KIF26B: variants seen among roughly 807,000 people sequenced by gnomAD.
KIF26B encodes the protein kinesin family member 26B.
In KIF26B, 63 loss-of-function variants were observed where a neutral mutation model predicts 151.2. The ratio of observed to expected loss-of-function variants is 0.42; its 90% CI spans 0.34 to 0.51. The LOEUF (loss-of-function observed/expected upper bound fraction) is 0.51, where lower values mean the gene tolerates loss of function less well. KIF26B is among the 20% of genes least tolerant of loss of function. The pLI is 0.07. For synonymous variants in KIF26B, 1,357 were observed against 1,262.1 expected (o/e 1.08, Z -1.59); for missense variants, 2,813 against 2,913.6 (o/e 0.97, Z 0.79).
intron 4 of KIF26B, among the ~76,000 whole-genome samples, chr1:245,538,405 T>C (rs972983104): frequency 1.8e-4 from 27 of 151,654 alleles, no homozygotes; most frequent in African/African-American, 6.5e-4. Context: ...CTATGTGCTG[T>C]TGGGAATGAT....
At chr1:245,160,270 T>C (rs891517399) in intron 2 of KIF26B, among the ~76,000 whole-genome samples, 7 of 152,234 alleles carry the variant, frequency 4.6e-5, no homozygotes, top group African/African-American at 1.7e-4. Context: ...GTTTCTCTTT[T>C]GGTGCCGGTG....
At chr1:245,309,934 C>A (rs1223721524) in intron 2 of KIF26B, among the ~76,000 whole-genome samples, 10 of 145,058 alleles carry the variant, frequency 6.9e-5, no homozygotes, top group Admixed American at 4.9e-4. Flanking sequence ...CAATAAATAT[C>A]TCTCTCTCAC....
intron 4 of KIF26B, among the ~76,000 whole-genome samples, chr1:245,523,469 C>T (rs1661175856): frequency 6.6e-6 from 1 of 152,076 alleles, no homozygotes; most frequent in African/African-American, 2.4e-5. Flanking sequence ...GTCGTTATAA[C>T]AAAAATACCA....
At chr1:245,672,819 G>T (rs907542813) in intron 10 of KIF26B, among the ~76,000 whole-genome samples, 9 of 152,136 alleles carry the variant, frequency 5.9e-5, no homozygotes, top group African/African-American at 1.9e-4. Flanking sequence ...AGGGATAAGA[G>T]AGTCACTGAA....
At chr1:245,474,101 C>G (rs1363272562) in intron 4 of KIF26B, among the ~76,000 whole-genome samples, 1 of 124,404 alleles carries the variant, frequency 8.0e-6, no homozygotes, top group Admixed American at 9.6e-5. Flanking sequence ...ATCTGTCAAA[C>G]AGTAGGTCCT....
chr1:245,701,940 C>CTCT (rs2044777980), intron 14 of KIF26B, among the ~76,000 whole-genome samples: 1 of 152,210 alleles, frequency 6.6e-6, no homozygotes, highest in Non-Finnish European at 1.5e-5. Context: ...CAGATACCTG[C>CTCT]TCTTCAGGCC....
intron 4 of KIF26B, among the ~76,000 whole-genome samples, chr1:245,503,446 C>T (rs1217276173): frequency 6.6e-6 from 1 of 152,176 alleles, no homozygotes; most frequent in Non-Finnish European, 1.5e-5. Context: ...AAAGTACTTC[C>T]TTTGTTCCAT....
chr1:245,488,664 G>T lies in KIF26B; in HGVS notation c.1167-52103G>T, dbSNP rs549228591. 6.6e-6 allele frequency among the ~76,000 whole-genome samples: 1 copy of T among 152,306 alleles called. No individual in the cohort carries two copies. The highest frequency in any genetic ancestry group is 2.4e-5 in the African/African-American group (1 of 41,572). ...TCCTCTGTCTGGCTTTTGATGAACT[G>T]AAGACTGGGGTCCGGGTTGTAATGG... On this transcript the variant is annotated intron_variant, in intron 4 of 14. Coordinates refer to ENST00000407071, the MANE Select transcript of KIF26B (RefSeq NM_018012.4). The surrounding 1 kb of genome is among the most constrained non-coding windows in gnomAD (Gnocchi z 4.6).
intron 10 of KIF26B, among the ~76,000 whole-genome samples, chr1:245,681,837 A>G (rs2044443783): frequency 6.6e-6 from 1 of 152,266 alleles, no homozygotes; most frequent in African/African-American, 2.4e-5. Flanking sequence ...TATTTTGAAG[A>G]AACGTATTAA....
chr1:245,591,780 G>A (rs73137645), intron 5 of KIF26B, among the ~76,000 whole-genome samples: 1,752 of 152,222 alleles, frequency 0.012, 37 homozygotes, highest in African/African-American at 0.04. Context: ...CTAGGCCACC[G>A]TCAGAGTCCC....
intron 2 of KIF26B, among the ~76,000 whole-genome samples, chr1:245,240,994 TC>T (rs1453424101): frequency 1.3e-5 from 2 of 152,132 alleles, no homozygotes; most frequent in African/African-American, 4.8e-5. Context: ...CGCCCAGGGA[TC>T]ATGGATCTCC....
At chr1:245,335,414 C>T (rs902434378) in intron 2 of KIF26B, among the ~76,000 whole-genome samples, 2 of 152,150 alleles carry the variant, frequency 1.3e-5, no homozygotes, top group Admixed American at 1.3e-4. Flanking sequence ...CATGACAGAC[C>T]AGGAGGTTGG....
chr1:245,362,703 A>G (rs1672852755), intron 2 of KIF26B, among the ~76,000 whole-genome samples: 1 of 152,124 alleles, frequency 6.6e-6, no homozygotes, highest in South Asian at 2.1e-4. Flanking sequence ...AGGGGACCTG[A>G]CCTTGGGTGA....
At chr1:245,301,056 C>T (rs908654559) in intron 2 of KIF26B, among the ~76,000 whole-genome samples, 2 of 152,068 alleles carry the variant, frequency 1.3e-5, no homozygotes, top group African/African-American at 4.8e-5. Context: ...GTCTCGAACT[C>T]CTGATCTCAG....
At chr1:245,465,059 A>G (rs1659751908) in intron 4 of KIF26B, among the ~76,000 whole-genome samples, 2 of 142,140 alleles carry the variant, frequency 1.4e-5, no homozygotes, top group Admixed American at 7.0e-5. Flanking sequence ...GCTCACTGCA[A>G]GCTCCGCCTC....
chr1:245,226,402 C>T (rs930202167), intron 2 of KIF26B, among the ~76,000 whole-genome samples: 1 of 152,068 alleles, frequency 6.6e-6, no homozygotes, highest in Non-Finnish European at 1.5e-5. Flanking sequence ...CTCTCTTTGC[C>T]GCATTTGTGT....
At chr1:245,473,754 A>T (rs1659967806) in intron 4 of KIF26B, among the ~76,000 whole-genome samples, 1 of 151,988 alleles carries the variant, frequency 6.6e-6, no homozygotes, top group Non-Finnish European at 1.5e-5. Flanking sequence ...TTTCCAAGTC[A>T]ATAACTGCTT....
chr1:245,642,301 C>T (rs185627924), intron 9 of KIF26B, among the ~76,000 whole-genome samples: 3 of 152,248 alleles, frequency 2.0e-5, no homozygotes, highest in Non-Finnish European at 2.9e-5. Context: ...GGGCCTTTCT[C>T]ATTGGCTGAG....
At position 245,699,057 on chromosome 1, in the gene KIF26B, C is replaced by G; in HGVS notation, c.6178+20C>G. On this transcript the variant is annotated intron_variant, in intron 14 of 14. Coordinates refer to ENST00000407071, the MANE Select transcript of KIF26B (RefSeq NM_018012.4). The stretch of plus-strand genomic sequence containing the variant: ...GTGAATGTAAGGCCGGGGTGCCTTC[C>G]CACCCTTGTGACTAGTGGGTTCACC... The G allele has an allele frequency of 6.2e-7, 1 of 1,609,412 alleles. No individual in the cohort carries two copies. The highest frequency in any genetic ancestry group is 8.5e-7 in the Non-Finnish European group (1 of 1,177,062).
Sources: allele counts gnomAD v4.1 joint callset (sites outside exome capture counted in the v4.1 genomes callset), GRCh38; gene constraint gnomAD v4.1.1; non-coding constraint Gnocchi (gnomAD v3.1); transcripts MANE v1.5; gene names NCBI Gene and HGNC (gene_info 2026-07-23, HGNC 2026-07-21).